Variants in NME9 observed in about 807,000 individuals in gnomAD.
The protein encoded by NME9 is thioredoxin domain-containing protein 6.
In NME9, 48 loss-of-function variants were observed where a neutral mutation model predicts 44.4. The observed-to-expected ratio is 1.08, with a 90% CI of 0.86 to 1.37. NME9 has a LOEUF of 1.37. NME9 is among the 40% of genes most tolerant of loss of function. NME9 has a pLI of 0.00. For missense variants in NME9, 325 were observed against 405.2 expected, an observed-to-expected ratio of 0.80 and a Z score of 1.70; for synonymous variants, 139 against 147.1, an observed-to-expected ratio of 0.94 and a Z score of 0.40.
At chr3:138,262,972 G>C (rs950186215) in intron 8 of NME9, among the ~76,000 whole-genome samples, 1 of 152,126 alleles carries the variant, frequency 6.6e-6, no homozygotes, top group East Asian at 1.9e-4. Flanking sequence ...GGTTAAATTG[G>C]GTAATATAAC....
Position 138,329,378 on chromosome 3 carries a change from C to A in NME9, c.-43G>T, listed in dbSNP as rs976938201. 6 of 1,535,816 alleles carry A rather than the reference C, an allele frequency of 3.9e-6. No homozygotes were observed. Among genetic ancestry groups the A allele is most frequent in the Non-Finnish European group, 5.2e-6 (6 of 1,146,748 alleles). On this transcript the variant is annotated 5_prime_UTR_variant, in exon 1 of 11. Coordinates refer to ENST00000333911, the MANE Select transcript of NME9 (RefSeq NM_001349018.2). Reference sequence around the variant, plus strand: ...GAAGCCCTGTTACCGCGGCCGTGGGCCGTTCCCCCGCAGCCTCGCGACAAA... The same window carrying A: ...GAAGCCCTGTTACCGCGGCCGTGGGACGTTCCCCCGCAGCCTCGCGACAAA...
downstream of NME9, among the ~76,000 whole-genome samples, chr3:138,299,713 G>A (rs563596959): frequency 9.1e-4 from 138 of 152,218 alleles, no homozygotes; most frequent in Admixed American, 3.0e-3. Flanking sequence ...GCCCCACTTT[G>A]CTTTACCACT....
At chr3:138,318,488 G>A (rs570221932) in intron 3 of NME9, among the ~76,000 whole-genome samples, 5 of 151,956 alleles carry the variant, frequency 3.3e-5, no homozygotes, top group Non-Finnish European at 5.9e-5. Context: ...ACTGGCTAAT[G>A]TCCTTCTGCA....
intron 8 of NME9, among the ~76,000 whole-genome samples, chr3:138,286,261 A>G (rs1394999337): frequency 6.6e-6 from 1 of 152,106 alleles, no homozygotes; most frequent in Non-Finnish European, 1.5e-5. Context: ...CAGACTTCTT[A>G]AAAGCATCTT....
At chr3:138,270,305 G>T (rs1215615131) in intron 8 of NME9, among the ~76,000 whole-genome samples, 1 of 152,198 alleles carries the variant, frequency 6.6e-6, no homozygotes, top group Non-Finnish European at 1.5e-5. Context: ...TAAACTAACA[G>T]ATTTAACTGT....
Position 138,329,525 on chromosome 3 carries a change from C to A in NME9, c.-190G>T. 2.6e-5 allele frequency: 36 copies of A among 1,377,328 alleles called. No homozygotes were observed. The highest frequency in any genetic ancestry group is 3.2e-5 in the Non-Finnish European group (34 of 1,068,952). 85.3% of individuals were successfully genotyped at this position (1,377,328 alleles called of 1,614,324 possible). The stretch of plus-strand genomic sequence containing the variant: ...TCAGCACACTGATACAAAGTGAACA[C>A]CCCGCGAGGAAGCGGAGCCTGCAGT... On this transcript the variant is annotated 5_prime_UTR_variant, in exon 1 of 11. Transcript: ENST00000333911.
chr3:138,271,798 C>CTTTTTTTTTTTTTTTTTTTTTTTT (rs776320900), intron 8 of NME9, among the ~76,000 whole-genome samples: 1 of 136,132 alleles, frequency 7.3e-6, no homozygotes, highest in African/African-American at 2.8e-5. Context: ...TTTTTTCTTT[C>CTTTTTTTTTTTTTTTTTTTTTTTT]TTTTTTTTTT....
intron 2 of NME9, among the ~76,000 whole-genome samples, chr3:138,321,153 A>G (rs2053439613): frequency 6.6e-6 from 1 of 152,240 alleles, no homozygotes; most frequent in African/African-American, 2.4e-5. Context: ...CAAAGAGGTG[A>G]AGTCATGGAC....
exon 9 of NME9, chr3:138,261,638 G>C (rs539315055): frequency 6.6e-6 from 1 of 152,246 alleles, no homozygotes; most frequent in Non-Finnish European, 1.5e-5. Context: ...AAGATGGAAA[G>C]TGGGGAGAGG....
chr3:138,275,484 G>A (rs2049194622), intron 8 of NME9, among the ~76,000 whole-genome samples: 1 of 152,138 alleles, frequency 6.6e-6, no homozygotes, highest in South Asian at 2.1e-4. Flanking sequence ...GCGTGAACCT[G>A]GGAGGTGGAG....
At chr3:138,296,395 T>C (rs1427178298), downstream of NME9, 1 of 152,318 alleles carries the variant, frequency 6.6e-6, no homozygotes, top group African/African-American at 2.4e-5. Flanking sequence ...TACTGAATTA[T>C]ATACAGTTTG....
rs182754700 is a variant in NME9 at position 138,319,098 on chromosome 3, G to A, written c.195+380C>T. On this transcript the variant is annotated intron_variant, in intron 3 of 10. Transcript: ENST00000333911. The stretch of plus-strand genomic sequence containing the variant: ...CTATATAGTCCCAGCTAGTTGGGCA[G>A]CTGAGGTGGTAGGATCACTTGAGGC... 7.2e-5 allele frequency among the ~76,000 whole-genome samples: 11 copies of A among 152,286 alleles called. No homozygotes were observed. In the South Asian group the frequency reaches 8.3e-4, roughly 11 times the overall value.
intron 8 of NME9, chr3:138,289,035 T>C (rs2050700176): frequency 6.2e-7 from 1 of 1,606,780 alleles, no homozygotes; most frequent in Admixed American, 1.7e-5. Flanking sequence ...TTTTTCTTTT[T>C]CTGTATTAAT....
At chr3:138,289,166 T>C (rs1281987400) in intron 8 of NME9, 1 of 1,475,922 alleles carries the variant, frequency 6.8e-7, no homozygotes, top group East Asian at 2.3e-5. Context: ...ATGGGAAGAG[T>C]GTCTTGCACA....
intron 1 of NME9, among the ~76,000 whole-genome samples, chr3:138,327,876 C>G (rs1054896299): frequency 5.3e-5 from 8 of 152,038 alleles, no homozygotes; most frequent in African/African-American, 1.9e-4. Context: ...AGTTATTACC[C>G]CCATAGGAGC....
intron 8 of NME9, chr3:138,273,062 G>T (rs769789020): frequency 6.2e-7 from 1 of 1,613,486 alleles, no homozygotes; most frequent in Admixed American, 1.7e-5. Context: ...ATTCAGATTT[G>T]AATGTGCTGA....
At chr3:138,290,697 G>T in intron 8 of NME9, 1 of 1,131,656 alleles carries the variant, frequency 8.8e-7, no homozygotes, top group East Asian at 2.6e-5. Context: ...TTCGTGAAAG[G>T]GTTTGAATTG....
intron 8 of NME9, among the ~76,000 whole-genome samples, chr3:138,290,909 G>A (rs1046713604): frequency 1.3e-5 from 2 of 152,134 alleles, no homozygotes; most frequent in Admixed American, 6.6e-5. Flanking sequence ...GCGTACATTC[G>A]CCTGATCATT....
chr3:138,271,783 AT>A (rs953322477), intron 8 of NME9, among the ~76,000 whole-genome samples: 48 of 140,182 alleles, frequency 3.4e-4, no homozygotes, highest in Non-Finnish European at 6.0e-4. Context: ...AGTTCACAAG[AT>A]TTTTTTTTTC....
Sources: allele counts gnomAD v4.1 joint callset (sites outside exome capture counted in the v4.1 genomes callset), GRCh38; gene constraint gnomAD v4.1.1; transcripts MANE v1.5; gene names NCBI Gene and HGNC (gene_info 2026-07-23, HGNC 2026-07-21).